AHCY: variants seen among roughly 807,000 people sequenced by gnomAD.
AHCY encodes S-adenosyl-L-homocysteine hydrolase.
AHCY carries 24 observed loss-of-function variants against 45.4 expected under a neutral mutation model. That is an observed-to-expected ratio of 0.53 (90% CI 0.38 to 0.74). The LOEUF (loss-of-function observed/expected upper bound fraction) is 0.74, where lower values mean the gene tolerates loss of function less well. AHCY is among the 30% of genes least tolerant of loss of function. The pLI, the probability that AHCY is intolerant of heterozygous loss-of-function variation, is 0.00. For synonymous variants in AHCY, 245 were observed against 235.1 expected, an observed-to-expected ratio of 1.04 and a Z score of -0.39; for missense variants, 449 against 594.1, an observed-to-expected ratio of 0.76 and a Z score of 2.54.
chr20:34,245,068 G>A, the AHCY span, among the ~76,000 whole-genome samples: 1 of 152,078 alleles, frequency 6.6e-6, no homozygotes, highest in Non-Finnish European at 1.5e-5. Context: ...GGGCACAGTG[G>A]CTCATGCCTG....
In AHCY at chr20:34,303,254, G is replaced by A. The variant is rs112283784; in HGVS notation, c.17C>T (p.Pro6Leu). Reference sequence around the variant, plus strand: ...GTCCTGGGACTCACCGACTTTGTAGGGCAGTTTGTCAGACATGCTGGCGGC... The same window carrying A: ...GTCCTGGGACTCACCGACTTTGTAGAGCAGTTTGTCAGACATGCTGGCGGC... MSDKL[P>L]YKVADIGLAA... The change falls in exon 1 of 10, where the codon CCC (proline) becomes CTC (leucine). Residue 6 changes from proline (P) to leucine (L), a missense_variant. Coordinates refer to ENST00000217426, the MANE Select transcript of AHCY (RefSeq NM_000687.4). 6.4e-7 allele frequency: 1 copy of A among 1,551,620 alleles called. No homozygotes were observed.
chr20:34,262,459 G>A, the AHCY span, among the ~76,000 whole-genome samples: 3 of 152,094 alleles, frequency 2.0e-5, no homozygotes, highest in Admixed American at 1.3e-4. Flanking sequence ...CCATTTTCTG[G>A]GTATCACAAT....
At chr20:34,259,478 A>C in the AHCY span, among the ~76,000 whole-genome samples, 1 of 152,150 alleles carries the variant, frequency 6.6e-6, no homozygotes. Flanking sequence ...GTGCCACTGC[A>C]CTCCAGCCTA....
At chr20:34,258,674 C>CATATATATATATATTATATATATATATAT in the AHCY span, among the ~76,000 whole-genome samples, 2 of 12,146 alleles carry the variant, frequency 1.6e-4, 1 homozygote, top group Non-Finnish European at 2.4e-4. Flanking sequence ...AGGGGGATGC[C>CATATATATATATATTATATATATATATAT]ATATATATAT....
chr20:34,274,375 C>T, the AHCY span, among the ~76,000 whole-genome samples: 2 of 152,192 alleles, frequency 1.3e-5, no homozygotes, highest in Non-Finnish European at 2.9e-5. Context: ...CAGCCCATGT[C>T]ATTCCAGAGC....
the AHCY span, among the ~76,000 whole-genome samples, chr20:34,265,968 G>A: frequency 2.0e-5 from 3 of 151,968 alleles, no homozygotes; most frequent in Non-Finnish European, 2.9e-5. Flanking sequence ...AAAAGCGGAG[G>A]GGGGGAAGTT....
At chr20:34,284,277 A>G (rs1043597176) in intron 9 of AHCY, among the ~76,000 whole-genome samples, 1 of 152,044 alleles carries the variant, frequency 6.6e-6, no homozygotes, top group Admixed American at 6.6e-5. Context: ...CTCCTGCCTC[A>G]GCTTCCCAAG....
the AHCY span, among the ~76,000 whole-genome samples, chr20:34,258,860 GAT>G: frequency 4.4e-5 from 5 of 113,102 alleles, no homozygotes; most frequent in Non-Finnish European, 7.1e-5. Context: ...TATAATATAT[GAT>G]ATATATAATA....
chr20:34,279,802 G>T (rs1241270069), downstream of AHCY, among the ~76,000 whole-genome samples: 1 of 152,144 alleles, frequency 6.6e-6, no homozygotes, highest in African/African-American at 2.4e-5. Flanking sequence ...AGAACTTAAT[G>T]TGAGTCCCCA....
Position 34,290,545 on chromosome 20 carries a change from A to G in AHCY, c.854+6T>C. On this transcript the variant is annotated splice_donor_region_variant and intron_variant, in intron 7 of 9. Coordinates refer to ENST00000217426, the MANE Select transcript of AHCY (RefSeq NM_000687.4). The surrounding 1 kb of genome is among the most constrained non-coding windows in gnomAD (Gnocchi z 4.5). ...CACTCCCCGGGACCCCCCATCTGGC[A>G]CCTACCGGCCAAGGATGATGTCAAT... 1 of 1,614,048 alleles carries G rather than the reference A, an allele frequency of 6.2e-7. No individual in the cohort carries two copies. The highest frequency in any genetic ancestry group is 8.5e-7 in the Non-Finnish European group (1 of 1,179,980).
chr20:34,280,928 G>C lies in AHCY; in HGVS notation c.*106C>G. ...GTGATCAGCCCCAGAGAGTCGATGGGGGACACTGACAAACCAATCACAAAG... is the reference window on the plus strand; with the variant it reads ...GTGATCAGCCCCAGAGAGTCGATGGCGGACACTGACAAACCAATCACAAAG... On this transcript the variant is annotated 3_prime_UTR_variant, in exon 10 of 10. Transcript: ENST00000217426. The C allele has an allele frequency of 1.3e-6, 2 of 1,530,242 alleles. No homozygotes were observed. Among genetic ancestry groups the C allele is most frequent in the Non-Finnish European group, 1.8e-6 (2 of 1,124,278 alleles). 94.8% of individuals were successfully genotyped at this position (1,530,242 alleles called of 1,614,324 possible).
intron 5 of AHCY, 128 bp from the exon 6 acceptor site, chr20:34,291,066 C>T (rs544577983): frequency 1.2e-4 from 109 of 874,514 alleles, no homozygotes; most frequent in Non-Finnish European, 3.3e-5. Context: ...CTGGGCTGAA[C>T]CCCTCCAGCA....
the AHCY span, among the ~76,000 whole-genome samples, chr20:34,234,485 C>CTCTTT: frequency 4.6e-5 from 7 of 151,954 alleles, no homozygotes; most frequent in Admixed American, 6.6e-5. Context: ...TTTTCCTTTT[C>CTCTTT]TCTTTTCTTT....
At chr20:34,261,882 G>C in the AHCY span, among the ~76,000 whole-genome samples, 10 of 152,164 alleles carry the variant, frequency 6.6e-5, no homozygotes, top group Non-Finnish European at 1.2e-4. Context: ...GGAGGCCAAG[G>C]TGGGCAGATC....
intron 9 of AHCY, among the ~76,000 whole-genome samples, chr20:34,282,648 G>A (rs952711508): frequency 1.3e-5 from 2 of 152,086 alleles, no homozygotes; most frequent in Admixed American, 6.6e-5. Context: ...ACGTGTCCAC[G>A]GTCACCAAGC....
chr20:34,235,892 AGGAAG>A, the AHCY span, among the ~76,000 whole-genome samples: 1 of 107,076 alleles, frequency 9.3e-6, no homozygotes, highest in Admixed American at 8.1e-5. Flanking sequence ...GAAGGAAGGA[AGGAAG>A]GAAAGGAAGG....
chr20:34,292,592 T>C (rs2036436078), intron 3 of AHCY, 85 bp from the exon 4 acceptor site: 4 of 1,592,804 alleles, frequency 2.5e-6, no homozygotes, highest in African/African-American at 1.3e-5. Context: ...CAAAACTACC[T>C]CCTTCCCAAC....
At chr20:34,285,695 T>G in intron 8 of AHCY, 61 bp from the exon 9 acceptor site, 1 of 1,589,230 alleles carries the variant, frequency 6.3e-7, no homozygotes. Context: ...GCCCACCCTC[T>G]GATCTGGCAG....
chr20:34,270,994 GAA>G, the AHCY span, among the ~76,000 whole-genome samples: 1 of 152,056 alleles, frequency 6.6e-6, no homozygotes, highest in Non-Finnish European at 1.5e-5. Context: ...TTTGTTTTGA[GAA>G]AGAGTCTCAC....
Sources: gnomAD v4.1 joint callset for allele counts (sites outside exome capture counted in the v4.1 genomes callset) on GRCh38, gnomAD v4.1.1 for gene constraint, Gnocchi (gnomAD v3.1) non-coding constraint, MANE v1.5 for transcripts, NCBI Gene and HGNC (gene_info 2026-07-23, HGNC 2026-07-21) for gene names.